The following LAMA2 variants were observed in gnomAD, a reference collection of about 807,000 sequenced individuals.
The protein encoded by LAMA2 is laminin subunit alpha-2.
Under a neutral mutation model 364.8 loss-of-function variants are expected in LAMA2, and 269 were observed. The ratio of observed to expected loss-of-function variants is 0.74; its 90% CI spans 0.67 to 0.82. LAMA2 has a LOEUF of 0.82. Among genes scored for constraint, LAMA2 ranks in the 40% least tolerant of loss-of-function variants. LAMA2 has a pLI of 0.00. For missense variants in LAMA2, 3,807 were observed against 3,873.2 expected (o/e 0.98, Z 0.45); for synonymous variants, 1,379 against 1,370.6 (o/e 1.01, Z -0.14).
intron 44 of LAMA2, 69 bp from the exon 45 acceptor site, chr6:129,445,591 AGCATACT>A: frequency 8.0e-7 from 1 of 1,247,982 alleles, no homozygotes; most frequent in Non-Finnish European, 1.2e-6. Flanking sequence ...TGTTTGGTTA[AGCATACT>A]GCTATTCTAA....
chr6:129,087,671 G>T (rs550595142), intron 3 of LAMA2, among the ~76,000 whole-genome samples: 2 of 152,166 alleles, frequency 1.3e-5, no homozygotes, highest in South Asian at 4.2e-4. Context: ...GATGGAGAAA[G>T]ACTGAATTTT....
chr6:129,036,433 G>A, intron 1 of LAMA2, among the ~76,000 whole-genome samples: 1 of 152,120 alleles, frequency 6.6e-6, no homozygotes, highest in East Asian at 1.9e-4. Flanking sequence ...TTTTATTTGG[G>A]TATCTACTAT....
In LAMA2 at chr6:129,371,683, T is replaced by C. The variant is rs187776300; in HGVS notation, c.4959+1693T>C. ...GTGCAGTGGTGCGATCTTGGCTCAC[T>C]GCAACCTCCGCCTCCCGGGTTCAAG... On this transcript the variant is annotated intron_variant, in intron 34 of 64. Coordinates refer to ENST00000421865, the MANE Select transcript of LAMA2 (RefSeq NM_000426.4). Among the ~76,000 whole-genome samples, 1,055 of 150,974 alleles carry C rather than the reference T, an allele frequency of 7.0e-3. 7 individuals are homozygous for C. Among genetic ancestry groups the C allele is most frequent in the Non-Finnish European group, 0.011 (739 of 67,778 alleles).
At chr6:129,035,839 C>A (rs1786603884) in intron 1 of LAMA2, among the ~76,000 whole-genome samples, 1 of 151,992 alleles carries the variant, frequency 6.6e-6, no homozygotes, top group Non-Finnish European at 1.5e-5. Flanking sequence ...GCCTTATGTG[C>A]CATTTTTATA....
intron 49 of LAMA2, 125 bp downstream of exon 49, chr6:129,460,449 G>A: frequency 2.0e-6 from 2 of 998,866 alleles, no homozygotes; most frequent in Non-Finnish European, 3.1e-6. Context: ...ATACTCAGAG[G>A]TGGAATTACC....
At chr6:129,114,376 T>C (rs1583066279) in intron 4 of LAMA2, among the ~76,000 whole-genome samples, 1 of 152,026 alleles carries the variant, frequency 6.6e-6, no homozygotes, top group Non-Finnish European at 1.5e-5. Flanking sequence ...AAACAAGTCA[T>C]CTTATTAGAA....
intron 1 of LAMA2, among the ~76,000 whole-genome samples, chr6:128,936,508 C>T (rs1182315043): frequency 6.6e-6 from 1 of 152,050 alleles, no homozygotes; most frequent in African/African-American, 2.4e-5. Flanking sequence ...CATTCCAGGA[C>T]CCCCAGAGTA....
In LAMA2 at chr6:129,314,714, C is replaced by T. The variant is rs745874905; in HGVS notation, c.3471C>T (p.Ala1157=). Residue 1157 remains alanine, a synonymous_variant, in exon 24 of 65, where the codon GCC becomes GCT. Coordinates refer to ENST00000421865, the MANE Select transcript of LAMA2 (RefSeq NM_000426.4). ...RCRPGKFGLD[A]KNPLGCSSCY... ...GGCCTGGCAAATTCGGACTCGATGC[C>T]AAGAATCCACTTGGCTGCAGCAGCT... is the stretch of plus-strand genomic sequence containing the variant. 2.5e-6 allele frequency: 4 copies of T among 1,613,870 alleles called. No homozygotes were observed. The highest frequency in any genetic ancestry group is 2.7e-5 in the African/African-American group (2 of 75,038).
At chr6:129,131,676 A>C (rs2114936822) in intron 4 of LAMA2, among the ~76,000 whole-genome samples, 2 of 152,324 alleles carry the variant, frequency 1.3e-5, no homozygotes, top group South Asian at 4.1e-4. Context: ...AAAACTAGTA[A>C]ATAGATGATT....
intron 51 of LAMA2, among the ~76,000 whole-genome samples, chr6:129,469,924 A>T (rs1039908147): frequency 6.6e-6 from 1 of 151,886 alleles, no homozygotes; most frequent in African/African-American, 2.4e-5. Context: ...AAGCAGACGG[A>T]TGCTACTTGT....
chr6:129,089,894 A>G (rs1311624143), intron 3 of LAMA2, among the ~76,000 whole-genome samples: 1 of 152,208 alleles, frequency 6.6e-6, no homozygotes, highest in East Asian at 1.9e-4. Context: ...CTTATGGGCC[A>G]ACGATACCCT....
rs199881607 is a variant in LAMA2, at chr6:129,200,270, ATG to A, written c.1782+7421_1782+7422del. Reference sequence around the variant, plus strand: ...TATATATATACGTGTACACATATACATGTGTATATATATACGTGTACACATAT... The same window carrying A: ...TATATATATACGTGTACACATATACATGTATATATATACGTGTACACATAT... On this transcript the variant is annotated intron_variant, in intron 12 of 64. Transcript: ENST00000421865. Among the ~76,000 whole-genome samples the A allele has an allele frequency of 7.5e-4, 79 of 105,604 alleles. 8 individuals are homozygous for A. The highest frequency in any genetic ancestry group is 3.7e-4 in the Non-Finnish European group (21 of 57,156). 69.3% of individuals were successfully genotyped at this position (105,604 alleles called of 152,430 possible). A position where few individuals can be genotyped will look rare whatever the true frequency, so the allele number is the denominator to read the frequency against.
rs536345371 is a variant in LAMA2 at position 129,260,151 on chromosome 6, G to A, written c.2097-560G>A. Among the ~76,000 whole-genome samples, 7 of 152,158 alleles carry A rather than the reference G, an allele frequency of 4.6e-5. No individual in the cohort carries two copies. The East Asian group carries it at 1.2e-3, about 25-fold the overall frequency. Reference sequence around the variant, plus strand: ...TACAGAGAACAATGGATTTAATTTAGGCCAAAAACAAATTCCAGAGATCAT... The same window carrying A: ...TACAGAGAACAATGGATTTAATTTAAGCCAAAAACAAATTCCAGAGATCAT... On this transcript the variant is annotated intron_variant, in intron 14 of 64. Coordinates refer to ENST00000421865, the MANE Select transcript of LAMA2 (RefSeq NM_000426.4).
At chr6:128,980,948 A>G (rs68140510) in intron 1 of LAMA2, among the ~76,000 whole-genome samples, 22,915 of 152,214 alleles carry the variant, frequency 0.15, 2,494 homozygotes, top group African/African-American at 0.31. Flanking sequence ...GATGTAAGAT[A>G]GTATTTAGAA....
chr6:129,419,590 C>T (rs1338599066), intron 40 of LAMA2, among the ~76,000 whole-genome samples: 1 of 152,104 alleles, frequency 6.6e-6, no homozygotes, highest in Non-Finnish European at 1.5e-5. Context: ...TGAGGAAAAC[C>T]ATCCTTACTT....
At chr6:129,228,597 AT>A (rs1784482299) in intron 12 of LAMA2, among the ~76,000 whole-genome samples, 3 of 152,348 alleles carry the variant, frequency 2.0e-5, no homozygotes, top group African/African-American at 7.2e-5. Context: ...TTAATAATAT[AT>A]TAGTATCATA....
At chr6:129,143,858 T>C (rs1583126291) in intron 4 of LAMA2, 43 bp from the exon 5 acceptor site, 1 of 1,394,414 alleles carries the variant, frequency 7.2e-7, no homozygotes, top group South Asian at 1.2e-5. Flanking sequence ...AATATTTAAA[T>C]TTTGGAAAAC....
chr6:129,299,915 AG>A (rs1773444766), intron 21 of LAMA2, among the ~76,000 whole-genome samples: 1 of 152,180 alleles, frequency 6.6e-6, no homozygotes. Context: ...TTTGAATTCA[AG>A]TATTTGGGTT....
At chr6:129,262,825 G>A (rs559730117) in intron 15 of LAMA2, among the ~76,000 whole-genome samples, 31 of 152,220 alleles carry the variant, frequency 2.0e-4, no homozygotes, top group African/African-American at 7.5e-4. Flanking sequence ...AAACGCCAAA[G>A]ACCATTAATG....
Sources: allele counts gnomAD v4.1 joint callset (sites outside exome capture counted in the v4.1 genomes callset), GRCh38; gene constraint gnomAD v4.1.1; transcripts MANE v1.5; gene names NCBI Gene and HGNC (gene_info 2026-07-23, HGNC 2026-07-21).